Variants in SLC38A4 observed in about 807,000 individuals in gnomAD.
SLC38A4 encodes sodium-coupled neutral amino acid transporter 4.
A neutral mutation model predicts 63.1 loss-of-function variants in SLC38A4; 20 were observed. That is an observed-to-expected ratio of 0.32 (90% CI 0.22 to 0.46). SLC38A4 has a LOEUF of 0.46. Ranked by LOEUF, SLC38A4 falls within the 20% of genes least tolerant of loss-of-function variation. The probability of loss-of-function intolerance (pLI) is 1.00; values close to 1 mark genes in which losing one functional copy is unlikely to be tolerated. For synonymous variants in SLC38A4, 230 were observed against 225.5 expected (o/e 1.02, Z -0.18); for missense variants, 526 against 663.6 (o/e 0.79, Z 2.28).
rs573295415 is a variant in SLC38A4 at position 46,769,056 on chromosome 12, C to T, written c.1444+228G>A. ...TGACTTTTATAGGGGTCAGTTTCCT[C>T]ATCTATCAGAAAAAGCAGCTTGACT... On this transcript the variant is annotated intron_variant, in intron 15 of 16. Coordinates refer to ENST00000266579, the MANE Select transcript of SLC38A4 (RefSeq NM_018018.5). Among the ~76,000 whole-genome samples the T allele has an allele frequency of 2.6e-5, 4 of 152,174 alleles. No individual in the cohort carries two copies. In the East Asian group the frequency reaches 5.8e-4, roughly 22 times the overall value.
chr12:46,784,034 G>C (rs536679769), intron 7 of SLC38A4, among the ~76,000 whole-genome samples: 15 of 152,122 alleles, frequency 9.9e-5, no homozygotes, highest in Admixed American at 2.0e-4. Context: ...GGGGTTTATA[G>C]TGCATTTGAT....
chr12:46,830,314 A>T (rs1261623975), upstream of SLC38A4, among the ~76,000 whole-genome samples: 3 of 151,964 alleles, frequency 2.0e-5, no homozygotes, highest in Admixed American at 6.6e-5. Flanking sequence ...ACACACACAC[A>T]CACACACACA....
chr12:46,828,673 C>A (rs531300404), upstream of SLC38A4, among the ~76,000 whole-genome samples: 6 of 152,180 alleles, frequency 3.9e-5, no homozygotes, highest in Non-Finnish European at 8.8e-5. Flanking sequence ...CTTATCTATT[C>A]TTTCCTCCAG....
intron 7 of SLC38A4, among the ~76,000 whole-genome samples, chr12:46,782,489 A>G (rs1327840870): frequency 6.6e-6 from 1 of 152,052 alleles, no homozygotes; most frequent in Non-Finnish European, 1.5e-5. Context: ...TATTCAATGT[A>G]TTTGTTGAAT....
chr12:46,778,175 G>T, intron 12 of SLC38A4, 114 bp downstream of exon 12: 1 of 957,994 alleles, frequency 1.0e-6, no homozygotes, highest in Non-Finnish European at 1.6e-6. Flanking sequence ...AGTGGATGGA[G>T]TACATATTTT....
chr12:46,776,246 A>C (rs898700223), intron 13 of SLC38A4, among the ~76,000 whole-genome samples: 1 of 152,040 alleles, frequency 6.6e-6, no homozygotes. Context: ...GCCACACTTC[A>C]TGGAAGGAGT....
At chr12:46,829,408 A>T (rs1367293280), upstream of SLC38A4, among the ~76,000 whole-genome samples, 2 of 151,088 alleles carry the variant, frequency 1.3e-5, no homozygotes, top group Non-Finnish European at 2.9e-5. Context: ...ACAGCCTTTG[A>T]TTTTTATAGA....
chr12:46,810,968 G>A lies in SLC38A4; in HGVS notation c.-304-7174C>T, dbSNP rs569197725. On this transcript the variant is annotated intron_variant, in intron 1 of 16. Coordinates refer to ENST00000266579, the MANE Select transcript of SLC38A4 (RefSeq NM_018018.5). ...ATCTCCAGTTTGTTCTGAAAGAATA[G>A]GAAAAAAATGATTGTTTTTTCCCCA... 1.7e-4 allele frequency among the ~76,000 whole-genome samples: 26 copies of A among 151,942 alleles called. No individual in the cohort carries two copies. In the South Asian group the frequency reaches 5.2e-3, roughly 30 times the overall value.
chr12:46,774,813 T>A (rs1274576158), intron 14 of SLC38A4, among the ~76,000 whole-genome samples: 1 of 152,038 alleles, frequency 6.6e-6, no homozygotes. Flanking sequence ...AACTTTGAGT[T>A]TAAAAATAAG....
chr12:46,775,311 T>C, intron 13 of SLC38A4, 138 bp from the exon 14 acceptor site: 2 of 1,006,952 alleles, frequency 2.0e-6, no homozygotes, highest in Non-Finnish European at 2.8e-6. Flanking sequence ...TGGTCTTGCC[T>C]CTGAGCTCAT....
In SLC38A4 at chr12:46,766,323, C is replaced by G. The variant is rs1938298293; in HGVS notation, c.*378G>C. On this transcript the variant is annotated 3_prime_UTR_variant, in exon 17 of 17. Coordinates refer to ENST00000266579, the MANE Select transcript of SLC38A4 (RefSeq NM_018018.5). ...ATTTTTGTTTGATGTTCTGAGAATGCAAATGTTTGGTACTTTTTTAGGGGG... is the reference window on the plus strand; with the variant it reads ...ATTTTTGTTTGATGTTCTGAGAATGGAAATGTTTGGTACTTTTTTAGGGGG... The G allele has an allele frequency of 2.2e-6, 1 of 449,544 alleles. No homozygotes were observed. Among genetic ancestry groups the G allele is most frequent in the South Asian group, 1.6e-5 (1 of 63,782 alleles). The allele number at this position is 449,544 out of a possible 1,614,324, so 27.8% of individuals were successfully genotyped here.
chr12:46,794,339 T>C (rs1468635273), intron 2 of SLC38A4, among the ~76,000 whole-genome samples: 4 of 152,022 alleles, frequency 2.6e-5, no homozygotes, highest in Non-Finnish European at 5.9e-5. Context: ...AGAGTGCCAG[T>C]AGGCACAAGA....
At chr12:46,768,118 T>C (rs969406489) in intron 16 of SLC38A4, among the ~76,000 whole-genome samples, 192 bp downstream of exon 16, 1 of 152,132 alleles carries the variant, frequency 6.6e-6, no homozygotes, top group Non-Finnish European at 1.5e-5. Context: ...CACAGGATAT[T>C]TGATATTTGA....
chr12:46,788,431 G>A (rs1565668947), intron 4 of SLC38A4, 97 bp downstream of exon 4: 11 of 974,284 alleles, frequency 1.1e-5, no homozygotes, highest in Middle Eastern at 2.1e-4. Context: ...GCTGATCAAG[G>A]CTTGGAAAAT....
At chr12:46,787,189 A>G (rs1198688972) in intron 5 of SLC38A4, among the ~76,000 whole-genome samples, 1 of 152,234 alleles carries the variant, frequency 6.6e-6, no homozygotes, top group Non-Finnish European at 1.5e-5. Context: ...TATTGCCTGT[A>G]CCAGGCACTG....
upstream of SLC38A4, among the ~76,000 whole-genome samples, chr12:46,828,666 A>G (rs192195291): frequency 1.1e-3 from 163 of 152,212 alleles, 1 homozygote; most frequent in Admixed American, 1.8e-3. Context: ...ATGTTTCCTT[A>G]TCTATTCTTT....
At chr12:46,790,568 G>A (rs1317509872) in intron 3 of SLC38A4, among the ~76,000 whole-genome samples, 2 of 152,096 alleles carry the variant, frequency 1.3e-5, no homozygotes, top group African/African-American at 4.8e-5. Context: ...AAACAAAAGT[G>A]CCACCTAGAA....
chr12:46,784,673 T>C, intron 6 of SLC38A4, 39 bp from the exon 7 acceptor site: 2 of 1,468,036 alleles, frequency 1.4e-6, no homozygotes, highest in East Asian at 2.3e-5. Context: ...AAAGAGATTG[T>C]TTTAATGACT....
At chr12:46,808,357 C>T (rs1939277031) in intron 1 of SLC38A4, among the ~76,000 whole-genome samples, 1 of 151,974 alleles carries the variant, frequency 6.6e-6, no homozygotes, top group Non-Finnish European at 1.5e-5. Flanking sequence ...CCTAAACCAC[C>T]TTTTCAGTTA....
Sources: allele counts gnomAD v4.1 joint callset (sites outside exome capture counted in the v4.1 genomes callset), GRCh38; gene constraint gnomAD v4.1.1; transcripts MANE v1.5; gene names NCBI Gene and HGNC (gene_info 2026-07-23, HGNC 2026-07-21).